The following INPP5A variants were observed in gnomAD, a reference collection of about 807,000 sequenced individuals.
INPP5A encodes inositol polyphosphate-5-phosphatase A, also known as 43 kDa inositol polyphosphate 5-phophatase.
INPP5A carries 14 observed loss-of-function variants against 65.2 expected under a neutral mutation model. The observed-to-expected ratio is 0.21, with a 90% CI of 0.14 to 0.34. The LOEUF (loss-of-function observed/expected upper bound fraction) is 0.34, where lower values mean the gene tolerates loss of function less well. Ranked by LOEUF, INPP5A falls within the 10% of genes least tolerant of loss-of-function variation. The probability of loss-of-function intolerance (pLI) is 1.00; values close to 1 mark genes in which losing one functional copy is unlikely to be tolerated. For synonymous variants in INPP5A, 207 were observed against 208.3 expected (o/e 0.99, Z 0.05); for missense variants, 431 against 545.6 (o/e 0.79, Z 2.09).
intron 11 of INPP5A, among the ~76,000 whole-genome samples, chr10:132,757,225 A>G (rs1846639042): frequency 6.6e-6 from 1 of 152,182 alleles, no homozygotes; most frequent in South Asian, 2.1e-4. Context: ...AGCGCTGGGC[A>G]TTTCTAAAGT....
Position 132,616,870 on chromosome 10 carries a change from A to G in INPP5A, c.117+8914A>G, listed in dbSNP as rs1044314824. Among the ~76,000 whole-genome samples the G allele has an allele frequency of 6.6e-6, 1 of 151,822 alleles. No homozygotes were observed. Among genetic ancestry groups the G allele is most frequent in the African/African-American group, 2.4e-5 (1 of 41,276 alleles). On this transcript the variant is annotated intron_variant, in intron 2 of 15. Coordinates refer to ENST00000368594, the MANE Select transcript of INPP5A (RefSeq NM_005539.5). This position sits in a 1 kb window ranked among gnomAD's most constrained non-coding sequence, Gnocchi z 4.9. ...CTTCACGCTGCAGGAGCTCCTGGGC[A>G]GTCTGTTCTGGGAGTGAGGATGTTT...
At chr10:132,610,209 C>T (rs919912026) in intron 2 of INPP5A, among the ~76,000 whole-genome samples, 6 of 152,222 alleles carry the variant, frequency 3.9e-5, no homozygotes, top group Middle Eastern at 3.2e-3. Context: ...TGGAGGGGCA[C>T]GTGAGCCCCA....
rs766261846 is a variant in INPP5A at position 132,616,222 on chromosome 10, C to T, written c.117+8266C>T. 4.2e-4 allele frequency among the ~76,000 whole-genome samples: 64 copies of T among 152,158 alleles called. No individual in the cohort carries two copies. The highest frequency in any genetic ancestry group is 6.9e-4 in the Non-Finnish European group (47 of 68,018). ...GGGCCCTGAAAGAACCACAGGGTGG[C>T]GTGGGAGGCAGCTGCAGTGGGAGGT... On this transcript the variant is annotated intron_variant, in intron 2 of 15. Transcript: ENST00000368594. The surrounding 1 kb of genome is among the most constrained non-coding windows in gnomAD (Gnocchi z 4.9).
chr10:132,670,309 C>T (rs1436494316), intron 4 of INPP5A, among the ~76,000 whole-genome samples: 1 of 137,290 alleles, frequency 7.3e-6, no homozygotes, highest in Non-Finnish European at 1.6e-5. Context: ...ACACCTGACC[C>T]CACACCCCAG....
chr10:132,774,847 G>GGAGGA (rs1847019492), intron 12 of INPP5A, among the ~76,000 whole-genome samples: 1 of 112,844 alleles, frequency 8.9e-6, no homozygotes, highest in African/African-American at 3.5e-5. Flanking sequence ...AGAGGGGTAG[G>GGAGGA]GAGAGACGGG....
At chr10:132,645,756 C>A in intron 2 of INPP5A, 112 bp from the exon 3 acceptor site, 1 of 774,016 alleles carries the variant, frequency 1.3e-6, no homozygotes, top group Non-Finnish European at 2.1e-6. Flanking sequence ...GGGGCCCCGT[C>A]TCTGCCAGAC....
Position 132,762,873 on chromosome 10 carries a change from C to T in INPP5A, c.904-2900C>T, listed in dbSNP as rs1279326481. ...GAGTGGTGGCACACGCCTGTAATTC[C>T]ATCTGCTCGGGAGGCTGAGGCAGGA... On this transcript the variant is annotated intron_variant, in intron 11 of 15. Transcript: ENST00000368594. This position sits in a 1 kb window ranked among gnomAD's most constrained non-coding sequence, Gnocchi z 4.6. Among the ~76,000 whole-genome samples, 1 of 152,128 alleles carries T rather than the reference C, an allele frequency of 6.6e-6. No homozygotes were observed. The highest frequency in any genetic ancestry group is 1.5e-5 in the Non-Finnish European group (1 of 68,038).
chr10:132,577,907 C>T (rs1276258657), intron 1 of INPP5A, among the ~76,000 whole-genome samples: 1 of 152,124 alleles, frequency 6.6e-6, no homozygotes, highest in African/African-American at 2.4e-5. Context: ...TCCCTGTCCT[C>T]GAGGGGTTCA....
At chr10:132,748,444 G>C (rs950299673) in intron 9 of INPP5A, among the ~76,000 whole-genome samples, 1 of 152,174 alleles carries the variant, frequency 6.6e-6, no homozygotes, top group African/African-American at 2.4e-5. Flanking sequence ...AGGCATTCTT[G>C]TTTTCATGAC....
chr10:132,562,821 C>G (rs768231229), intron 1 of INPP5A, among the ~76,000 whole-genome samples: 1 of 152,234 alleles, frequency 6.6e-6, no homozygotes, highest in African/African-American at 2.4e-5. Context: ...GCAGAGGCCC[C>G]TCGAGAGGGA....
intron 11 of INPP5A, among the ~76,000 whole-genome samples, chr10:132,757,369 G>T (rs1048491836): frequency 6.6e-6 from 1 of 152,216 alleles, no homozygotes; most frequent in African/African-American, 2.4e-5. Context: ...TTCTTCTTTA[G>T]ACCTTGTTTT....
At chr10:132,718,021 T>A (rs1485739655) in intron 8 of INPP5A, among the ~76,000 whole-genome samples, 1 of 142,842 alleles carries the variant, frequency 7.0e-6, no homozygotes, top group East Asian at 2.2e-4. Flanking sequence ...GGTACCTGAG[T>A]TCTGTCTGGG....
rs111243496 is a variant in INPP5A at position 132,686,248 on chromosome 10, C to T, written c.307-4144C>T. On this transcript the variant is annotated intron_variant, in intron 4 of 15. Coordinates refer to ENST00000368594, the MANE Select transcript of INPP5A (RefSeq NM_005539.5). ...CGCTTCCCGGCTGTGCCGTGGCCTC[C>T]GGGGGCTGGAGGACTCCTGCCCGTG... Among the ~76,000 whole-genome samples the T allele has an allele frequency of 4.1e-3, 618 of 152,344 alleles. 3 individuals carry two copies. The highest frequency in any genetic ancestry group is 0.014 in the African/African-American group (582 of 41,576).
chr10:132,697,856 G>C lies in INPP5A; in HGVS notation c.411G>C (p.Ser137=). Residue 137 remains serine, a synonymous_variant, in exon 6 of 16, where the codon TCG becomes TCC. Coordinates refer to ENST00000368594, the MANE Select transcript of INPP5A (RefSeq NM_005539.5). This position sits in a 1 kb window ranked among gnomAD's most constrained non-coding sequence, Gnocchi z 5.6. ...YRKVAGKEIY[S]DTLESTPMLE... is the part of the protein sequence containing the mutation. ...AGGTCGCTGGCAAAGAGATCTACTC[G>C]GATACCTTAGAGAGCACGCCCATGC... 1 of 1,613,936 alleles carries C rather than the reference G, an allele frequency of 6.2e-7. No individual in the cohort carries two copies. Among genetic ancestry groups the C allele is most frequent in the Non-Finnish European group, 8.5e-7 (1 of 1,179,878 alleles).
intron 8 of INPP5A, among the ~76,000 whole-genome samples, chr10:132,717,993 C>T (rs1232527735): frequency 1.8e-4 from 26 of 141,076 alleles, no homozygotes; most frequent in African/African-American, 6.2e-4. Flanking sequence ...CCTTAGACAG[C>T]TGTCTTCAGG....
At chr10:132,777,976 G>C (rs1847093374) in intron 13 of INPP5A, 194 bp downstream of exon 13, 5 of 1,403,890 alleles carry the variant, frequency 3.6e-6, no homozygotes, top group Non-Finnish European at 4.7e-6. Flanking sequence ...ACCTGGGCTG[G>C]GGCAGCAGCA....
intron 1 of INPP5A, among the ~76,000 whole-genome samples, chr10:132,590,416 C>T (rs910439518): frequency 3.3e-5 from 5 of 152,120 alleles, no homozygotes; most frequent in African/African-American, 7.2e-5. Context: ...AGCTGTCTGC[C>T]GGCAGGGAGG....
chr10:132,699,784 G>T lies in INPP5A; in HGVS notation c.474+1865G>T, dbSNP rs112430760. On this transcript the variant is annotated intron_variant, in intron 6 of 15. Transcript: ENST00000368594. The stretch of plus-strand genomic sequence containing the variant: ...CCCCTCCGTCTCTCAGCCCCGCCCC[G>T]AAGCAGCCCTGCCACTCTGGCCAGC... Among the ~76,000 whole-genome samples, 446 of 152,236 alleles carry T rather than the reference G, an allele frequency of 2.9e-3. 2 individuals are homozygous for T. The Middle Eastern group carries it at 0.044, about 15-fold the overall frequency.
intron 12 of INPP5A, among the ~76,000 whole-genome samples, chr10:132,775,851 C>T (rs529829206): frequency 2.5e-3 from 374 of 152,298 alleles, no homozygotes; most frequent in African/African-American, 7.3e-3. Flanking sequence ...CCCCAGGGGA[C>T]GCCAGGTGGC....
Sources: allele counts gnomAD v4.1 joint callset (sites outside exome capture counted in the v4.1 genomes callset), GRCh38; gene constraint gnomAD v4.1.1; non-coding constraint Gnocchi (gnomAD v3.1); transcripts MANE v1.5; gene names NCBI Gene and HGNC (gene_info 2026-07-23, HGNC 2026-07-21).